PMFBP1: variants seen among roughly 807,000 people sequenced by gnomAD.
PMFBP1 encodes the protein polyamine modulated factor 1 binding protein 1, also known as polyamine-modulated factor 1-binding protein 1.
In PMFBP1, 131 loss-of-function variants were observed where a neutral mutation model predicts 137.8. That is an observed-to-expected ratio of 0.95 (90% CI 0.82 to 1.10). PMFBP1 has a LOEUF of 1.10. Among genes scored for constraint, PMFBP1 ranks in the 50% least tolerant of loss-of-function variants. The pLI, the probability that PMFBP1 is intolerant of heterozygous loss-of-function variation, is 0.00. For missense variants in PMFBP1, 1,199 were observed against 1,175.4 expected (o/e 1.02, Z -0.29); for synonymous variants, 490 against 450.4 (o/e 1.09, Z -1.11).
the PMFBP1 span, among the ~76,000 whole-genome samples, chr16:72,235,319 T>C: frequency 1.3e-5 from 2 of 152,172 alleles, no homozygotes; most frequent in East Asian, 1.9e-4. Context: ...TGAAAATCAA[T>C]TGACTATAAC....
At chr16:72,125,517 C>A (rs1014023434) in intron 15 of PMFBP1, 112 bp from the exon 16 acceptor site, 2 of 1,222,220 alleles carry the variant, frequency 1.6e-6, no homozygotes, top group South Asian at 3.0e-5. Flanking sequence ...CAGGGTGACA[C>A]GGACGGTCAC....
chr16:72,235,786 ATTGT>A, the PMFBP1 span, among the ~76,000 whole-genome samples: 1 of 151,974 alleles, frequency 6.6e-6, no homozygotes, highest in Non-Finnish European at 1.5e-5. Flanking sequence ...TCATTTTTGG[ATTGT>A]TTATTGCTAC....
chr16:72,164,420 G>A (rs1211639998), intron 3 of PMFBP1: 6 of 1,322,212 alleles, frequency 4.5e-6, no homozygotes, highest in Non-Finnish European at 5.9e-6. Context: ...TTAGAAGTTT[G>A]TCTGAGATCC....
At chr16:72,180,970 G>A (rs779712543), upstream of PMFBP1, among the ~76,000 whole-genome samples, 7 of 152,182 alleles carry the variant, frequency 4.6e-5, no homozygotes, top group Non-Finnish European at 8.8e-5. Flanking sequence ...GCCGGGAGCG[G>A]TAGCTCAGGC....
chr16:72,159,794 T>C (rs1276604169), intron 3 of PMFBP1, among the ~76,000 whole-genome samples: 1 of 105,678 alleles, frequency 9.5e-6, no homozygotes, highest in Non-Finnish European at 1.9e-5. Flanking sequence ...ATTGCTTCTT[T>C]GTCTTTTTTT....
At chr16:72,132,200 C>T (rs894204713) in intron 10 of PMFBP1, among the ~76,000 whole-genome samples, 9 of 152,108 alleles carry the variant, frequency 5.9e-5, no homozygotes, top group East Asian at 5.8e-4. Context: ...CACAAAGTCA[C>T]GCAACCATCA....
upstream of PMFBP1, among the ~76,000 whole-genome samples, chr16:72,180,162 T>C (rs533642268): frequency 3.9e-5 from 6 of 152,310 alleles, no homozygotes. Context: ...AAAGGGTACC[T>C]TTCCCATGGT....
intron 4 of PMFBP1, 82 bp from the exon 5 acceptor site, chr16:72,150,911 A>G: frequency 2.4e-6 from 3 of 1,234,444 alleles, no homozygotes; most frequent in Non-Finnish European, 3.5e-6. Flanking sequence ...TTCCCTGCAG[A>G]GAAGTCTTGT....
intron 3 of PMFBP1, among the ~76,000 whole-genome samples, chr16:72,161,705 T>C (rs552621985): frequency 6.6e-6 from 1 of 152,218 alleles, no homozygotes; most frequent in Admixed American, 6.5e-5. Context: ...AAGAAATTAA[T>C]GTTGGAAGAT....
chr16:72,208,125 AT>A, the PMFBP1 span, among the ~76,000 whole-genome samples: 1 of 152,180 alleles, frequency 6.6e-6, no homozygotes, highest in East Asian at 1.9e-4. Flanking sequence ...ACCAATTCAA[AT>A]GTTAAACTCA....
chr16:72,220,686 A>G, the PMFBP1 span, among the ~76,000 whole-genome samples: 1 of 152,174 alleles, frequency 6.6e-6, no homozygotes, highest in African/African-American at 2.4e-5. Context: ...GCTCAGAGAC[A>G]GTACTCGGCC....
At chr16:72,125,030 C>A (rs140778269) in intron 16 of PMFBP1, 96 bp from the exon 17 acceptor site, 27 of 1,471,412 alleles carry the variant, frequency 1.8e-5, no homozygotes, top group Non-Finnish European at 2.5e-5. Flanking sequence ...CCTTGGGATA[C>A]GTGTTGGGGG....
At chr16:72,134,985 C>T (rs1446080784) in intron 9 of PMFBP1, among the ~76,000 whole-genome samples, 2 of 152,104 alleles carry the variant, frequency 1.3e-5, no homozygotes, top group East Asian at 1.9e-4. Context: ...GTGACTAGGA[C>T]GGTGCTTGGC....
chr16:72,126,238 G>A, intron 14 of PMFBP1, 106 bp from the exon 15 acceptor site: 1 of 1,256,194 alleles, frequency 8.0e-7, no homozygotes, highest in South Asian at 1.4e-5. Flanking sequence ...CCTGTCTGCA[G>A]CAACCTGCAG....
At position 72,123,733 on chromosome 16, in the gene PMFBP1, T is replaced by G. The variant is rs538634024; in HGVS notation, c.2590-84A>C. ...CCTTCCGAGTCAGGCCTCTTCTATC[T>G]CCCTGGGAAAAGAAAACTTGACTCT... On this transcript the variant is annotated intron_variant, in intron 17 of 20. Coordinates refer to ENST00000237353, the MANE Select transcript of PMFBP1 (RefSeq NM_031293.3). 542 of 1,254,004 alleles carry G rather than the reference T, an allele frequency of 4.3e-4. 3 individuals carry two copies. Among genetic ancestry groups the G allele is most frequent in the South Asian group, 2.9e-3 (208 of 70,850 alleles). The allele number at this position is 1,254,004 out of a possible 1,614,324, so 77.7% of individuals were successfully genotyped here. A position where few individuals can be genotyped will look rare whatever the true frequency, so the allele number is the denominator to read the frequency against.
chr16:72,197,663 C>T, the PMFBP1 span, among the ~76,000 whole-genome samples: 4 of 152,144 alleles, frequency 2.6e-5, no homozygotes, highest in Non-Finnish European at 4.4e-5. Flanking sequence ...AGAATATTGA[C>T]CCACCCAGTG....
intron 2 of PMFBP1, among the ~76,000 whole-genome samples, chr16:72,167,842 A>G (rs1380966169): frequency 6.6e-6 from 1 of 152,260 alleles, no homozygotes; most frequent in Non-Finnish European, 1.5e-5. Flanking sequence ...CATGGAGACC[A>G]GCACACTGAG....
the PMFBP1 span, among the ~76,000 whole-genome samples, chr16:72,182,103 A>G: frequency 1.3e-5 from 2 of 152,204 alleles, no homozygotes; most frequent in Non-Finnish European, 2.9e-5. Context: ...GAAGCTTCTC[A>G]TGGAGTCACT....
the PMFBP1 span, among the ~76,000 whole-genome samples, chr16:72,223,251 G>T: frequency 1.3e-5 from 2 of 152,236 alleles, no homozygotes; most frequent in Non-Finnish European, 2.9e-5. Flanking sequence ...TTGCCTAGGA[G>T]ACAGTTGTGG....
Sources: allele counts gnomAD v4.1 joint callset (sites outside exome capture counted in the v4.1 genomes callset), GRCh38; gene constraint gnomAD v4.1.1; transcripts MANE v1.5; gene names NCBI Gene and HGNC (gene_info 2026-07-23, HGNC 2026-07-21).